PML: variants seen among roughly 807,000 people sequenced by gnomAD.
PML encodes PML nuclear body scaffold.
Under a neutral mutation model 65.2 loss-of-function variants are expected in PML, and 28 were observed. The ratio of observed to expected loss-of-function variants is 0.43; its 90% CI spans 0.32 to 0.59. The LOEUF (loss-of-function observed/expected upper bound fraction) is 0.59. Ranked by LOEUF, PML falls within the 20% of genes least tolerant of loss-of-function variation. The pLI is 0.08. For synonymous variants in PML, 500 were observed against 508.8 expected, an observed-to-expected ratio of 0.98 and a Z score of 0.23; for missense variants, 1,021 against 1,203.4, an observed-to-expected ratio of 0.85 and a Z score of 2.24.
chr15:74,044,637 TC>T lies in PML; in HGVS notation c.2282del (p.Pro761ArgfsTer43), dbSNP rs746948701. On this transcript the variant is annotated frameshift_variant, in exon 9 of 9. Coordinates refer to ENST00000268058, the MANE Select transcript of PML (RefSeq NM_033238.3). LOFTEE classifies it low-confidence loss of function (END_TRUNC). ...TGACCTGTGCCGCCTCCTCGAGGTC[TC>T]CCCGGGCCCCCAGCTGGCCCAGCAT... ...MRDLCRLLEVSPGPQLAQHVY... is the reference protein window; with the variant it reads ...MRDLCRLLEVXPGPQLAQHVY... The T allele has an allele frequency of 2.5e-6, 4 of 1,605,674 alleles. No homozygotes were observed. Among genetic ancestry groups the T allele is most frequent in the Non-Finnish European group, 8.5e-7 (1 of 1,179,852 alleles).
chr15:74,008,817 G>A (rs2070188389), intron 2 of PML, among the ~76,000 whole-genome samples: 1 of 151,890 alleles, frequency 6.6e-6, no homozygotes, highest in African/African-American at 2.4e-5. Context: ...TCTGCACTCT[G>A]GTACTTTGAC....
At position 74,037,714 on chromosome 15, in the gene PML, G is replaced by A. The variant is rs1463297312; in HGVS notation, c.1710+3184G>A. On this transcript the variant is annotated intron_variant, in intron 7 of 8. Transcript: ENST00000268058. The surrounding 1 kb of genome is among the most constrained non-coding windows in gnomAD (Gnocchi z 4.2). Reference sequence around the variant, plus strand: ...TCTTTCCTGGAAAGATCGCCTGCTCGGATGCAGCTCTGGGCACTCCTCCCT... The same window carrying A: ...TCTTTCCTGGAAAGATCGCCTGCTCAGATGCAGCTCTGGGCACTCCTCCCT... 1 of 985,186 alleles carries A rather than the reference G, an allele frequency of 1.0e-6. No homozygotes were observed. The highest frequency in any genetic ancestry group is 1.1e-4 in the East Asian group (1 of 8,832). The allele number at this position is 985,186 out of a possible 1,614,324, so 61.0% of individuals were successfully genotyped here. A position where few individuals can be genotyped will look rare whatever the true frequency, so the allele number is the denominator to read the frequency against.
intron 4 of PML, chr15:74,025,293 G>A (rs2071023838): frequency 1.2e-5 from 4 of 346,872 alleles, no homozygotes; most frequent in Non-Finnish European, 2.3e-5. Context: ...CAGATGTATG[G>A]TTAGATATAG....
At position 74,036,930 on chromosome 15, in the gene PML, G is replaced by C. The variant is rs551678483; in HGVS notation, c.1710+2400G>C. 180 of 985,322 alleles carry C rather than the reference G, an allele frequency of 1.8e-4. No homozygotes were observed. In the African/African-American group the frequency reaches 3.0e-3, roughly 16 times the overall value. The allele number at this position is 985,322 out of a possible 1,614,324, so 61.0% of individuals were successfully genotyped here. ...CAGCCTCCTGTTCCTTGAGCTCTCAGTCCTACCTTCGCCTCCCTCCAGCCC... is the reference window on the plus strand; with the variant it reads ...CAGCCTCCTGTTCCTTGAGCTCTCACTCCTACCTTCGCCTCCCTCCAGCCC... On this transcript the variant is annotated intron_variant, in intron 7 of 8. Coordinates refer to ENST00000268058, the MANE Select transcript of PML (RefSeq NM_033238.3).
chr15:74,039,973 G>C (rs2071659420), intron 7 of PML, among the ~76,000 whole-genome samples: 1 of 152,168 alleles, frequency 6.6e-6, no homozygotes, highest in African/African-American at 2.4e-5. Context: ...GCTGTGTTGA[G>C]TTAGAATGCA....
chr15:74,009,244 T>A (rs8043489), intron 2 of PML, among the ~76,000 whole-genome samples: 78,419 of 152,052 alleles, frequency 0.52, 20,743 homozygotes, highest in Non-Finnish European at 0.58. Context: ...AGAGCTTGAA[T>A]TATCATTGAA....
chr15:74,037,607 C>G lies in PML; in HGVS notation c.1710+3077C>G, dbSNP rs1054678270. 10 of 985,296 alleles carry G rather than the reference C, an allele frequency of 1.0e-5. No homozygotes were observed. Among genetic ancestry groups the G allele is most frequent in the Non-Finnish European group, 1.2e-5 (10 of 829,934 alleles). 61.0% of individuals were successfully genotyped at this position (985,296 alleles called of 1,614,324 possible). On this transcript the variant is annotated intron_variant, in intron 7 of 8. Coordinates refer to ENST00000268058, the MANE Select transcript of PML (RefSeq NM_033238.3). This position sits in a 1 kb window ranked among gnomAD's most constrained non-coding sequence, Gnocchi z 4.2. ...CTTCACCCCACCTCCTGCGCTTCCC[C>G]GCCAGTACCAGGGTGGCCTCTGTGC...
chr15:74,017,252 T>C (rs978153113), intron 2 of PML, among the ~76,000 whole-genome samples: 1 of 152,218 alleles, frequency 6.6e-6, no homozygotes, highest in Non-Finnish European at 1.5e-5. Flanking sequence ...TATATGGGTA[T>C]GAAACAAGAA....
intron 2 of PML, among the ~76,000 whole-genome samples, chr15:74,002,733 C>T (rs1451348854): frequency 6.6e-6 from 1 of 151,694 alleles, no homozygotes; most frequent in East Asian, 2.0e-4. Flanking sequence ...GGATTACAGG[C>T]GTGAGCCAAC....
chr15:74,008,477 G>T (rs1419322185), intron 2 of PML, among the ~76,000 whole-genome samples: 1 of 152,184 alleles, frequency 6.6e-6, no homozygotes, highest in Non-Finnish European at 1.5e-5. Context: ...GGTGGCTCAC[G>T]CCTGTAATCC....
intron 2 of PML, among the ~76,000 whole-genome samples, chr15:74,009,649 C>T (rs1260182397): frequency 1.3e-5 from 2 of 152,200 alleles, no homozygotes; most frequent in East Asian, 1.9e-4. Flanking sequence ...CTTGATCTGA[C>T]ACCCAGGCTG....
intron 2 of PML, among the ~76,000 whole-genome samples, chr15:74,004,220 C>T (rs899246538): frequency 6.6e-5 from 10 of 152,128 alleles, no homozygotes; most frequent in South Asian, 2.1e-4. Flanking sequence ...AGCAATCCTC[C>T]CACCTTGACC....
chr15:74,023,267 A>G lies in PML; in HGVS notation c.1042A>G (p.Met348Val), dbSNP rs769864191. Residue 348 changes from methionine to valine, a missense_variant, in exon 3 of 9, where the codon ATG becomes GTG. Physicochemically the swap from Met to Val is conservative, Grantham distance 21. Coordinates refer to ENST00000268058, the MANE Select transcript of PML (RefSeq NM_033238.3). ...CYASDQEVLD[M>V]HGFLRQALCR... ...CGCCTCGGACCAGGAGGTGCTGGAC[A>G]TGCACGGTTTCCTGCGCCAGGCGCT... The G allele has an allele frequency of 4.0e-5, 65 of 1,610,930 alleles. No homozygotes were observed. The highest frequency in any genetic ancestry group is 5.2e-5 in the Non-Finnish European group (61 of 1,179,674).
At chr15:74,004,390 C>T (rs2069934365) in intron 2 of PML, among the ~76,000 whole-genome samples, 4 of 152,300 alleles carry the variant, frequency 2.6e-5, no homozygotes, top group South Asian at 4.1e-4. Flanking sequence ...TAACCTCGAA[C>T]TCCTAGACTC....
chr15:74,030,092 A>G (rs2071252486), intron 4 of PML, among the ~76,000 whole-genome samples: 1 of 151,876 alleles, frequency 6.6e-6, no homozygotes, highest in Non-Finnish European at 1.5e-5. Flanking sequence ...CCCTGCCTTA[A>G]CTCACATGCC....
chr15:74,024,485 C>G (rs1437520542), intron 3 of PML, among the ~76,000 whole-genome samples: 1 of 152,184 alleles, frequency 6.6e-6, no homozygotes, highest in Non-Finnish European at 1.5e-5. Flanking sequence ...AACCAGGCTG[C>G]AGATAAGGAA....
chr15:74,018,090 C>T (rs958243922), intron 2 of PML, among the ~76,000 whole-genome samples: 5 of 151,882 alleles, frequency 3.3e-5, no homozygotes, highest in African/African-American at 1.2e-4. Context: ...GAGGCTGAGG[C>T]GGGTGGATCA....
intron 3 of PML, 32 bp from the exon 4 acceptor site, chr15:74,024,825 G>T (rs1257577391): frequency 6.4e-7 from 1 of 1,560,430 alleles, no homozygotes; most frequent in Non-Finnish European, 8.8e-7. Flanking sequence ...GCATGTCCTT[G>T]ACCTGCCTGT....
intron 2 of PML, among the ~76,000 whole-genome samples, chr15:74,004,576 C>T (rs1425030995): frequency 6.6e-6 from 1 of 152,182 alleles, no homozygotes; most frequent in Non-Finnish European, 1.5e-5. Context: ...ACTGGGATTA[C>T]AGGCTTGAGC....
Sources: gnomAD v4.1 joint callset for allele counts (sites outside exome capture counted in the v4.1 genomes callset) on GRCh38, gnomAD v4.1.1 for gene constraint, Gnocchi (gnomAD v3.1) non-coding constraint, MANE v1.5 for transcripts, NCBI Gene and HGNC (gene_info 2026-07-23, HGNC 2026-07-21) for gene names.